Variants in MDFIC2 observed in about 807,000 individuals in gnomAD.
MDFIC2 encodes the protein MyoD family inhibitor domain containing 2.
chr3:70,293,161 G>A (rs1462465329), intron 2 of MDFIC2, among the ~76,000 whole-genome samples: 3 of 151,124 alleles, frequency 2.0e-5, no homozygotes, highest in Non-Finnish European at 4.4e-5. Flanking sequence ...GAAGTATTCA[G>A]CTCCCATCAG....
intron 2 of MDFIC2, chr3:70,291,082 C>T (rs1198749384): frequency 1.3e-5 from 2 of 152,294 alleles, no homozygotes; most frequent in Admixed American, 6.5e-5. Context: ...CTTGGCTCCT[C>T]CAGAGCTACT....
chr3:70,309,924 C>A (rs975607829), intron 2 of MDFIC2, among the ~76,000 whole-genome samples: 1 of 152,062 alleles, frequency 6.6e-6, no homozygotes, highest in Non-Finnish European at 1.5e-5. Flanking sequence ...AAAGAAAATT[C>A]TTTAGGAAAC....
chr3:70,203,801 T>A (rs988943377), intron 3 of MDFIC2, among the ~76,000 whole-genome samples: 1 of 152,146 alleles, frequency 6.6e-6, no homozygotes, highest in East Asian at 1.9e-4. Flanking sequence ...GTCTCAGGAT[T>A]ATTTTTAAGG....
intron 2 of MDFIC2, among the ~76,000 whole-genome samples, chr3:70,298,047 G>A (rs779220716): frequency 8.6e-5 from 13 of 151,932 alleles, no homozygotes; most frequent in Admixed American, 4.6e-4. Flanking sequence ...ATTGACAATC[G>A]GGTGCTATTT....
chr3:70,247,164 C>A (rs1400865059), intron 2 of MDFIC2, among the ~76,000 whole-genome samples: 1 of 151,866 alleles, frequency 6.6e-6, no homozygotes, highest in East Asian at 1.9e-4. Flanking sequence ...GATTTTTCTC[C>A]TTTTTTCTAA....
chr3:70,246,172 T>G (rs1701706962), intron 2 of MDFIC2, among the ~76,000 whole-genome samples: 1 of 152,062 alleles, frequency 6.6e-6, no homozygotes, highest in Non-Finnish European at 1.5e-5. Flanking sequence ...CATAAAGTAT[T>G]GACAGCCGTA....
intron 3 of MDFIC2, among the ~76,000 whole-genome samples, chr3:70,198,778 C>A (rs1701206256): frequency 1.3e-5 from 2 of 152,192 alleles, no homozygotes; most frequent in African/African-American, 4.8e-5. Context: ...AAACTCATCT[C>A]TTTGCCAGAT....
intron 2 of MDFIC2, among the ~76,000 whole-genome samples, chr3:70,240,897 A>G (rs1701661473): frequency 2.0e-5 from 3 of 152,202 alleles, no homozygotes; most frequent in South Asian, 4.1e-4. Flanking sequence ...GATAAGCAGT[A>G]TGAAAACACT....
intron 2 of MDFIC2, among the ~76,000 whole-genome samples, chr3:70,216,902 T>A (rs192037495): frequency 6.6e-6 from 1 of 152,218 alleles, no homozygotes; most frequent in Non-Finnish European, 1.5e-5. Flanking sequence ...AACAACCTAT[T>A]ATGCACAGGG....
At chr3:70,291,860 T>G (rs1196566742) in intron 2 of MDFIC2, 1 of 152,228 alleles carries the variant, frequency 6.6e-6, no homozygotes, top group African/African-American at 2.4e-5. Flanking sequence ...TATCTTCGGC[T>G]TCCTGGAAGA....
chr3:70,272,367 A>G (rs78319620), intron 2 of MDFIC2: 6,511 of 152,206 alleles, frequency 0.043, 261 homozygotes, highest in East Asian at 0.15. Context: ...TTCATACACT[A>G]TGTACTCTTT....
intron 2 of MDFIC2, among the ~76,000 whole-genome samples, chr3:70,235,967 C>A (rs1474432169): frequency 2.0e-5 from 3 of 152,114 alleles, no homozygotes; most frequent in African/African-American, 7.2e-5. Context: ...ATTCTGTCTT[C>A]AAAACCTGCA....
intron 2 of MDFIC2, among the ~76,000 whole-genome samples, chr3:70,283,248 T>A (rs1415166132): frequency 6.6e-6 from 1 of 152,106 alleles, no homozygotes; most frequent in Admixed American, 6.6e-5. Flanking sequence ...GCGGGAACCT[T>A]GTAAACTCAT....
In MDFIC2 at chr3:70,279,077, G is replaced by T. The variant is rs1026192622; in HGVS notation, c.88+32809C>A. Among the ~76,000 whole-genome samples the T allele has an allele frequency of 4.7e-4, 70 of 149,194 alleles. 1 individual carries two copies. The highest frequency in any genetic ancestry group is 1.7e-3 in the African/African-American group (67 of 40,388). Reference sequence around the variant, plus strand: ...TCCCTTTCCTAACATCTTCTCATTTGCCCAAGCCTGACTTCCAAATGACAT... The same window carrying T: ...TCCCTTTCCTAACATCTTCTCATTTTCCCAAGCCTGACTTCCAAATGACAT... On this transcript the variant is annotated intron_variant, in intron 2 of 3. Coordinates refer to ENST00000567252, the MANE Select transcript of MDFIC2 (RefSeq NM_001364677.1).
chr3:70,248,923 CT>C (rs1296628430), intron 2 of MDFIC2, among the ~76,000 whole-genome samples: 2 of 152,106 alleles, frequency 1.3e-5, no homozygotes, highest in Non-Finnish European at 2.9e-5. Context: ...GGCTAAGAAG[CT>C]TTAAGACATT....
intron 2 of MDFIC2, among the ~76,000 whole-genome samples, chr3:70,262,029 G>A (rs564606638): frequency 1.3e-5 from 2 of 152,222 alleles, no homozygotes; most frequent in Admixed American, 6.5e-5. Context: ...TAGAGGAGAC[G>A]GATTTGAGCC....
intron 2 of MDFIC2, among the ~76,000 whole-genome samples, chr3:70,257,945 A>C (rs1284105705): frequency 2.6e-5 from 4 of 152,214 alleles, no homozygotes; most frequent in Admixed American, 6.5e-5. Flanking sequence ...CATCAATAAG[A>C]CTCAATGAAG....
At chr3:70,280,183 G>A (rs1702066423) in intron 2 of MDFIC2, among the ~76,000 whole-genome samples, 1 of 152,012 alleles carries the variant, frequency 6.6e-6, no homozygotes, top group Non-Finnish European at 1.5e-5. Flanking sequence ...CTGTCCCCAT[G>A]GTTGTATCAT....
intron 2 of MDFIC2, among the ~76,000 whole-genome samples, chr3:70,218,823 C>T (rs548260264): frequency 6.6e-6 from 1 of 152,112 alleles, no homozygotes; most frequent in Non-Finnish European, 1.5e-5. Flanking sequence ...TGGCGAAAGA[C>T]CTACAGTTTG....
Sources: allele counts gnomAD v4.1 joint callset (sites outside exome capture counted in the v4.1 genomes callset), GRCh38; gene constraint gnomAD v4.1.1; transcripts MANE v1.5; gene names NCBI Gene and HGNC (gene_info 2026-07-23, HGNC 2026-07-21).